The following PXDN variants were observed in gnomAD, a reference collection of about 807,000 sequenced individuals.
The protein encoded by PXDN is peroxidasin homolog.
In PXDN, 77 loss-of-function variants were observed where a neutral mutation model predicts 140.3. That is an observed-to-expected ratio of 0.55 (90% CI 0.46 to 0.66). PXDN has a LOEUF of 0.66. Among genes scored for constraint, PXDN ranks in the 30% least tolerant of loss-of-function variants. The pLI is 0.00. For synonymous variants in PXDN, 911 were observed against 857.4 expected (o/e 1.06, Z -1.09); for missense variants, 1,838 against 2,039.5 (o/e 0.90, Z 1.90).
chr2:1,664,049 G>A (rs895755384), intron 11 of PXDN: 10 of 378,718 alleles, frequency 2.6e-5, no homozygotes, highest in South Asian at 4.6e-5. Flanking sequence ...GAGTCAGAGC[G>A]GGGTGGATGG....
In PXDN at chr2:1,635,468, G is replaced by T; in HGVS notation, c.4260C>A (p.Gly1420=). ...ACTTGGTGTTGTTGGCGTGAGATTC[G>T]CCCCCGGCATCCACGCACTCTGTGG... is the stretch of plus-strand genomic sequence containing the variant. ...LSTTECVDAG[G]ESHANNTKWK... is the part of the protein sequence containing the mutation. Residue 1420 remains glycine, a synonymous_variant, in exon 22 of 23, where the codon GGC becomes GGA. Transcript: ENST00000252804. 1 of 1,602,344 alleles carries T rather than the reference G, an allele frequency of 6.2e-7. No homozygotes were observed. Among genetic ancestry groups the T allele is most frequent in the Non-Finnish European group, 8.5e-7 (1 of 1,173,974 alleles).
chr2:1,657,248 A>C (rs1572132481), intron 14 of PXDN, among the ~76,000 whole-genome samples: 1 of 122,602 alleles, frequency 8.2e-6, no homozygotes, highest in Admixed American at 7.9e-5. Flanking sequence ...GGAACCTGTC[A>C]CCTTCAGACT....
chr2:1,717,255 A>T (rs1453093590), intron 1 of PXDN, among the ~76,000 whole-genome samples: 1 of 152,182 alleles, frequency 6.6e-6, no homozygotes, highest in African/African-American at 2.4e-5. Context: ...CCCTAACAAT[A>T]GATTAATGCC....
Position 1,660,282 on chromosome 2 carries a change from C to T in PXDN, c.1837+599G>A, listed in dbSNP as rs150287025. Among the ~76,000 whole-genome samples the T allele has an allele frequency of 3.3e-5, 5 of 152,190 alleles. No individual in the cohort carries two copies. Among genetic ancestry groups the T allele is most frequent in the East Asian group, 1.9e-4 (1 of 5,156 alleles). On this transcript the variant is annotated intron_variant, in intron 14 of 22. Transcript: ENST00000252804. This position sits in a 1 kb window ranked among gnomAD's most constrained non-coding sequence, Gnocchi z 4.6. ...GACCCGGGCCTCTGTTACAAGAACC[C>T]GGACAAGATGCCAAGGGCCTCGGGG...
intron 1 of PXDN, among the ~76,000 whole-genome samples, chr2:1,711,440 A>G (rs1468055788): frequency 9.1e-5 from 8 of 88,294 alleles, no homozygotes; most frequent in South Asian, 4.4e-4. Context: ...ACTAGCACCC[A>G]CTCCACCAGC....
In PXDN at chr2:1,638,850, G is replaced by T; in HGVS notation, c.4202C>A (p.Thr1401Lys). 6.2e-7 allele frequency: 1 copy of T among 1,613,996 alleles called. No homozygotes were observed. Among genetic ancestry groups the T allele is most frequent in the Non-Finnish European group, 8.5e-7 (1 of 1,179,878 alleles). ...EMQKTITDLRTQIKKLESRLS... is the reference protein window; with the variant it reads ...EMQKTITDLRKQIKKLESRLS... Reference sequence around the variant, plus strand: ...ACAGGCCGCCAGGCACCTCACCTGTGTTCTGAGGTCTGTGATGGTCTTCTG... The same window carrying T: ...ACAGGCCGCCAGGCACCTCACCTGTTTTCTGAGGTCTGTGATGGTCTTCTG... Residue 1401 changes from threonine (T) to lysine (K), a missense_variant, in exon 21 of 23, where the codon ACA (threonine) becomes AAA (lysine). By Grantham distance (78) the Thr-to-Lys change is moderately conservative (BLOSUM62 -1). Coordinates refer to ENST00000252804, the MANE Select transcript of PXDN (RefSeq NM_012293.3).
chr2:1,640,348 G>A (rs1682695941), intron 19 of PXDN, among the ~76,000 whole-genome samples: 1 of 152,238 alleles, frequency 6.6e-6, no homozygotes, highest in Non-Finnish European at 1.5e-5. Context: ...GTCTCAGGAA[G>A]CCACTGGAGT....
At chr2:1,695,967 G>T (rs1572166918) in intron 1 of PXDN, among the ~76,000 whole-genome samples, 1 of 145,028 alleles carries the variant, frequency 6.9e-6, no homozygotes, top group South Asian at 2.4e-4. Flanking sequence ...GCACCTGAGA[G>T]GTGGCCTAGA....
rs1682540303 is a variant in PXDN, at chr2:1,635,815, G to A, written c.4207-294C>T. The A allele has an allele frequency of 6.1e-5, 25 of 410,030 alleles. 1 individual carries two copies. The highest frequency in any genetic ancestry group is 5.1e-4 in the South Asian group (24 of 47,268). 25.4% of individuals were successfully genotyped at this position (410,030 alleles called of 1,614,324 possible). ...CAAGATTCAACCAGATGACGAGAAC[G>A]TCCTGCACCTACACTTCCACCAGAA... On this transcript the variant is annotated intron_variant, in intron 21 of 22. Coordinates refer to ENST00000252804, the MANE Select transcript of PXDN (RefSeq NM_012293.3).
At chr2:1,677,098 T>A in intron 7 of PXDN, 54 bp from the exon 8 acceptor site, 1 of 1,448,260 alleles carries the variant, frequency 6.9e-7, no homozygotes, top group Non-Finnish European at 9.3e-7. Context: ...GACATGAAAA[T>A]AAATGACAAC....
intron 1 of PXDN, among the ~76,000 whole-genome samples, chr2:1,700,866 C>T (rs1264063048): frequency 6.9e-6 from 1 of 145,780 alleles, no homozygotes; most frequent in African/African-American, 2.5e-5. Flanking sequence ...CACAGCGAGA[C>T]TCTGTCTCAA....
chr2:1,649,024 G>A lies in PXDN; in HGVS notation c.2756C>T (p.Thr919Met). ...YIDASNVYGSTEHEARSIRDL... is the reference protein window; with the variant it reads ...YIDASNVYGSMEHEARSIRDL... ...GCGGATGCTGCGGGCCTCATGCTCCGTGCTCCCGTACACGTTGGATGCGTC... is the reference window on the plus strand; with the variant it reads ...GCGGATGCTGCGGGCCTCATGCTCCATGCTCCCGTACACGTTGGATGCGTC... The change falls in exon 17 of 23, where the codon ACG becomes ATG. Residue 919 changes from threonine (T) to methionine (M), a missense_variant. Thr to Met is a moderately conservative substitution (Grantham distance 81). Coordinates refer to ENST00000252804, the MANE Select transcript of PXDN (RefSeq NM_012293.3). The surrounding 1 kb of genome is among the most constrained non-coding windows in gnomAD (Gnocchi z 7.1). 2 of 1,612,628 alleles carry A rather than the reference G, an allele frequency of 1.2e-6. No homozygotes were observed. Among genetic ancestry groups the A allele is most frequent in the Non-Finnish European group, 1.7e-6 (2 of 1,179,770 alleles).
intron 17 of PXDN, chr2:1,646,100 T>C (rs1247688533): frequency 6.6e-6 from 1 of 152,380 alleles, no homozygotes; most frequent in Non-Finnish European, 1.5e-5. Flanking sequence ...ATCTCTACAG[T>C]CTGCCGAAGG....
At chr2:1,741,871 T>C (rs1685552691) in intron 1 of PXDN, among the ~76,000 whole-genome samples, 1 of 152,108 alleles carries the variant, frequency 6.6e-6, no homozygotes, top group Admixed American at 6.5e-5. Flanking sequence ...GTAGCATGTA[T>C]CATGTAGAAC....
At chr2:1,711,868 C>T (rs1355278023) in intron 1 of PXDN, among the ~76,000 whole-genome samples, 3 of 152,180 alleles carry the variant, frequency 2.0e-5, no homozygotes, top group African/African-American at 7.2e-5. Flanking sequence ...GGGGCCTGGA[C>T]TTGTAACTGC....
At chr2:1,742,101 A>G (rs917041762) in intron 1 of PXDN, among the ~76,000 whole-genome samples, 2 of 152,222 alleles carry the variant, frequency 1.3e-5, no homozygotes, top group Non-Finnish European at 2.9e-5. Context: ...ACGCGGCTGC[A>G]ATGCATCCAG....
chr2:1,650,367 T>A (rs1288299043), intron 16 of PXDN, among the ~76,000 whole-genome samples: 1 of 152,234 alleles, frequency 6.6e-6, no homozygotes, highest in East Asian at 1.9e-4. Flanking sequence ...CACGCTCCCA[T>A]GAGCCTGGCA....
intron 14 of PXDN, among the ~76,000 whole-genome samples, chr2:1,656,058 CAT>C (rs1479372605): frequency 6.6e-6 from 1 of 151,524 alleles, no homozygotes; most frequent in African/African-American, 2.4e-5. Flanking sequence ...GCATACCACA[CAT>C]ACTCATCACA....
rs565242683 is a variant in PXDN, at chr2:1,663,860, G to A, written c.1409-97C>T. 5 of 1,484,210 alleles carry A rather than the reference G, an allele frequency of 3.4e-6. No homozygotes were observed. The African/African-American group carries it at 6.9e-5, about 20-fold the overall frequency. 91.9% of individuals were successfully genotyped at this position (1,484,210 alleles called of 1,614,324 possible). ...TGACCACAGAAGCTTGTCTCCACCTGGGTCGGGGCGCCGGATAATTTGGCC... is the reference window on the plus strand; with the variant it reads ...TGACCACAGAAGCTTGTCTCCACCTAGGTCGGGGCGCCGGATAATTTGGCC... On this transcript the variant is annotated intron_variant, in intron 11 of 22. Coordinates refer to ENST00000252804, the MANE Select transcript of PXDN (RefSeq NM_012293.3).
Sources: allele counts gnomAD v4.1 joint callset (sites outside exome capture counted in the v4.1 genomes callset), GRCh38; gene constraint gnomAD v4.1.1; non-coding constraint Gnocchi (gnomAD v3.1); transcripts MANE v1.5; gene names NCBI Gene and HGNC (gene_info 2026-07-23, HGNC 2026-07-21).